The following NETO1 variants were observed in gnomAD, a reference collection of about 807,000 sequenced individuals.
NETO1 encodes neuropilin and tolloid-like protein 1.
In NETO1, 26 loss-of-function variants were observed where a neutral mutation model predicts 61.3. That is an observed-to-expected ratio of 0.42 (90% CI 0.31 to 0.59). NETO1 has a LOEUF of 0.59. NETO1 is among the 20% of genes least tolerant of loss of function. The pLI is 0.12. For synonymous variants in NETO1, 225 were observed against 225.8 expected, an observed-to-expected ratio of 1.00 and a Z score of 0.03; for missense variants, 531 against 662.8, an observed-to-expected ratio of 0.80 and a Z score of 2.18.
At chr18:72,834,449 A>C in intron 4 of NETO1, 5 of 979,974 alleles carry the variant, frequency 5.1e-6, no homozygotes, top group Non-Finnish European at 6.1e-6. Context: ...ACAGAAAAAC[A>C]TATCTGGGGC....
chr18:72,756,617 G>C (rs1037944075), intron 7 of NETO1, among the ~76,000 whole-genome samples: 1 of 151,492 alleles, frequency 6.6e-6, no homozygotes, highest in Non-Finnish European at 1.5e-5. Flanking sequence ...CATTACTTAA[G>C]AATACGAAAA....
intron 4 of NETO1, among the ~76,000 whole-genome samples, chr18:72,797,740 T>G (rs1315568582): frequency 6.6e-6 from 1 of 152,210 alleles, no homozygotes; most frequent in Non-Finnish European, 1.5e-5. Context: ...TGTGAGTTCT[T>G]GACCTTGGTC....
At chr18:72,761,728 T>A (rs1302435470) in intron 7 of NETO1, among the ~76,000 whole-genome samples, 1 of 152,258 alleles carries the variant, frequency 6.6e-6, no homozygotes. Context: ...ATTTAGTAGA[T>A]ACATCCTGAT....
Position 72,766,527 on chromosome 18 carries a change from G to A in NETO1, c.869-10380C>T, listed in dbSNP as rs572436961. Among the ~76,000 whole-genome samples, 4 of 151,906 alleles carry A rather than the reference G, an allele frequency of 2.6e-5. No individual in the cohort carries two copies. The East Asian group carries it at 7.8e-4, about 29-fold the overall frequency. ...TTTCATGTCCTTTATCACCTTCATA[G>A]TTGTTTTGAAAAATCAATATGTTTT... On this transcript the variant is annotated intron_variant, in intron 7 of 10. Coordinates refer to ENST00000327305, the MANE Select transcript of NETO1 (RefSeq NM_138966.5).
At chr18:72,825,033 A>G (rs2073330871) in intron 4 of NETO1, among the ~76,000 whole-genome samples, 1 of 152,240 alleles carries the variant, frequency 6.6e-6, no homozygotes, top group Non-Finnish European at 1.5e-5. Flanking sequence ...TGGACTCATA[A>G]ATCAACCACC....
chr18:72,824,655 A>G (rs900495944), intron 4 of NETO1, among the ~76,000 whole-genome samples: 6 of 151,892 alleles, frequency 4.0e-5, no homozygotes, highest in Admixed American at 1.3e-4. Context: ...ACCTAAGGTC[A>G]GGAGTTCAGA....
At chr18:72,862,709 C>A (rs1273561794) in intron 3 of NETO1, among the ~76,000 whole-genome samples, 1 of 145,316 alleles carries the variant, frequency 6.9e-6, no homozygotes, top group East Asian at 1.9e-4. Flanking sequence ...CAAGCTCCGC[C>A]TCCCGGGTTC....
intron 7 of NETO1, among the ~76,000 whole-genome samples, chr18:72,783,012 C>T (rs2071795967): frequency 2.0e-5 from 3 of 152,230 alleles, no homozygotes; most frequent in South Asian, 2.1e-4. Flanking sequence ...TTCTCAGAAT[C>T]CTTTTTCACT....
Position 72,756,034 on chromosome 18 carries a change from C to T in NETO1, c.982G>A (p.Glu328Lys). The T allele has an allele frequency of 6.4e-7, 1 of 1,572,962 alleles. No individual in the cohort carries two copies. Among genetic ancestry groups the T allele is most frequent in the Non-Finnish European group, 8.7e-7 (1 of 1,144,724 alleles). ...VYPWDENHCK[E>K]KRKTSLLDQL... ...TCAAATTTCAGGCACTAATCATTAC[C>T]TTTACAGTGATTTTCATCCCAAGGA... The change falls in exon 8 of 11, where the codon GAG becomes AAG. Residue 328 changes from glutamate (E) to lysine (K), a missense_variant and splice_region_variant. Transcript: ENST00000327305.
chr18:72,759,745 C>T (rs949003866), intron 7 of NETO1, among the ~76,000 whole-genome samples: 1 of 152,132 alleles, frequency 6.6e-6, no homozygotes, highest in Admixed American at 6.5e-5. Context: ...ACATATTCCT[C>T]GACCAATTTA....
At chr18:72,754,714 C>G (rs1490230812) in intron 8 of NETO1, among the ~76,000 whole-genome samples, 2 of 152,108 alleles carry the variant, frequency 1.3e-5, no homozygotes, top group African/African-American at 4.8e-5. Context: ...GTAGACAATT[C>G]AACCATGATA....
At chr18:72,749,620 G>T (rs1233635622) in intron 9 of NETO1, among the ~76,000 whole-genome samples, 4 of 151,892 alleles carry the variant, frequency 2.6e-5, no homozygotes, top group Non-Finnish European at 4.4e-5. Flanking sequence ...ATGTTATTTT[G>T]GGATTAAAAT....
intron 6 of NETO1, among the ~76,000 whole-genome samples, chr18:72,791,590 C>T (rs1188477050): frequency 6.6e-6 from 1 of 152,072 alleles, no homozygotes; most frequent in South Asian, 2.1e-4. Flanking sequence ...ACAGGTACAT[C>T]GGTTATTGTT....
At chr18:72,826,025 TATTC>T (rs34063899) in intron 4 of NETO1, among the ~76,000 whole-genome samples, 2,545 of 152,292 alleles carry the variant, frequency 0.017, 78 homozygotes, top group African/African-American at 0.059. Context: ...AGATCAAATA[TATTC>T]ATTATCTTTT....
intron 4 of NETO1, among the ~76,000 whole-genome samples, chr18:72,858,313 T>C (rs1474458313): frequency 1.3e-5 from 2 of 152,184 alleles, no homozygotes; most frequent in Admixed American, 1.3e-4. Flanking sequence ...GTTACAGGTC[T>C]CAGTTTTCCT....
chr18:72,813,872 A>C (rs978530902), intron 4 of NETO1, among the ~76,000 whole-genome samples: 2 of 152,134 alleles, frequency 1.3e-5, no homozygotes, highest in Non-Finnish European at 2.9e-5. Flanking sequence ...ATAATTATTT[A>C]GAGTTTTCAA....
intron 4 of NETO1, among the ~76,000 whole-genome samples, chr18:72,807,821 CTTG>C (rs1022236213): frequency 7.3e-5 from 11 of 151,592 alleles, no homozygotes; most frequent in South Asian, 2.1e-4. Context: ...TTTTGTTGTT[CTTG>C]TTGTTGTTGT....
At chr18:72,829,626 T>C (rs1010121854) in intron 4 of NETO1, among the ~76,000 whole-genome samples, 2 of 152,198 alleles carry the variant, frequency 1.3e-5, no homozygotes, top group Non-Finnish European at 2.9e-5. Flanking sequence ...CCCAAATATA[T>C]GCTTAATTTT....
At chr18:72,842,419 C>T (rs888048442) in intron 4 of NETO1, among the ~76,000 whole-genome samples, 20 of 151,934 alleles carry the variant, frequency 1.3e-4, no homozygotes, top group African/African-American at 4.3e-4. Flanking sequence ...GCTAATATGG[C>T]GATGGTGATG....
Sources: gnomAD v4.1 joint callset for allele counts (sites outside exome capture counted in the v4.1 genomes callset) on GRCh38, gnomAD v4.1.1 for gene constraint, MANE v1.5 for transcripts, NCBI Gene and HGNC (gene_info 2026-07-23, HGNC 2026-07-21) for gene names.